The following DPP10 variants were observed in gnomAD, a reference collection of about 807,000 sequenced individuals.
DPP10 encodes the protein inactive dipeptidyl peptidase 10.
DPP10 carries 33 observed loss-of-function variants against 120.9 expected under a neutral mutation model. That is an observed-to-expected ratio of 0.27 (90% CI 0.21 to 0.37). The LOEUF is 0.37. Ranked by LOEUF, DPP10 falls within the 10% of genes least tolerant of loss-of-function variation. The pLI, the probability that DPP10 is intolerant of heterozygous loss-of-function variation, is 1.00. For missense variants in DPP10, 816 were observed against 942.8 expected (o/e 0.87, Z 1.76); for synonymous variants, 337 against 326.1 (o/e 1.03, Z -0.36).
chr2:115,485,791 A>G (rs1372248254), intron 3 of DPP10, among the ~76,000 whole-genome samples: 15 of 152,274 alleles, frequency 9.9e-5, no homozygotes, highest in Middle Eastern at 3.4e-3. Flanking sequence ...GTTGAGAACT[A>G]TAACATCTAT....
chr2:115,539,228 A>C (rs768067302), intron 5 of DPP10, among the ~76,000 whole-genome samples: 3 of 152,014 alleles, frequency 2.0e-5, no homozygotes, highest in Non-Finnish European at 2.9e-5. Flanking sequence ...GGAAAAGGAA[A>C]ACTCTGGAAA....
chr2:115,191,650 C>T lies in DPP10; in HGVS notation c.61-117589C>T, dbSNP rs569577120. Among the ~76,000 whole-genome samples, 12 of 152,252 alleles carry T rather than the reference C, an allele frequency of 7.9e-5. No homozygotes were observed. The South Asian group carries it at 1.2e-3, about 16-fold the overall frequency. ...TGGCCCATGACTTGGGAGGGGGCGG[C>T]GCTTTCTTGACTTGAGTATTATGGG... On this transcript the variant is annotated intron_variant, in intron 1 of 25. Coordinates refer to ENST00000410059, the MANE Select transcript of DPP10 (RefSeq NM_020868.6).
chr2:114,581,904 T>C (rs1201906277), intron 1 of DPP10, among the ~76,000 whole-genome samples: 1 of 152,212 alleles, frequency 6.6e-6, no homozygotes, highest in Admixed American at 6.5e-5. Flanking sequence ...GTTAACAACA[T>C]ACTGTACCAC....
At chr2:114,624,078 T>C (rs1418880379) in intron 1 of DPP10, among the ~76,000 whole-genome samples, 4 of 152,100 alleles carry the variant, frequency 2.6e-5, no homozygotes, top group African/African-American at 9.6e-5. Context: ...AGAGGGTCAT[T>C]ATTATTGCTC....
chr2:115,028,929 C>T (rs1393253326), intron 1 of DPP10, among the ~76,000 whole-genome samples: 1 of 152,006 alleles, frequency 6.6e-6, no homozygotes, highest in African/African-American at 2.4e-5. Context: ...TATCTCTTCA[C>T]TTTCAGTCTG....
intron 1 of DPP10, chr2:115,064,576 CAT>C: frequency 8.8e-7 from 1 of 1,133,234 alleles, no homozygotes; most frequent in Non-Finnish European, 1.2e-6. Context: ...CCTACACACA[CAT>C]ATTTCGGTTG....
intron 7 of DPP10, among the ~76,000 whole-genome samples, chr2:115,727,405 G>T (rs952021577): frequency 1.1e-4 from 17 of 152,196 alleles, no homozygotes; most frequent in African/African-American, 4.1e-4. Context: ...TTTTGTAAAA[G>T]TAAAGACCCC....
At chr2:114,759,277 C>T (rs1051699536) in intron 1 of DPP10, among the ~76,000 whole-genome samples, 1 of 152,150 alleles carries the variant, frequency 6.6e-6, no homozygotes, top group African/African-American at 2.4e-5. Flanking sequence ...CATTTGCAGT[C>T]TGACTAAACA....
At chr2:115,369,989 G>T (rs764730039) in intron 3 of DPP10, among the ~76,000 whole-genome samples, 1 of 152,046 alleles carries the variant, frequency 6.6e-6, no homozygotes, top group Non-Finnish European at 1.5e-5. Flanking sequence ...AAAAACTTGG[G>T]TTCTAAAGAC....
At chr2:115,149,158 G>A (rs1345435392) in intron 1 of DPP10, among the ~76,000 whole-genome samples, 3 of 152,134 alleles carry the variant, frequency 2.0e-5, no homozygotes, top group African/African-American at 7.2e-5. Flanking sequence ...CAGGAACCTT[G>A]ATCAAACTCA....
At chr2:114,812,636 A>C (rs1405378821) in intron 1 of DPP10, among the ~76,000 whole-genome samples, 2 of 148,100 alleles carry the variant, frequency 1.4e-5, no homozygotes, top group Non-Finnish European at 1.5e-5. Context: ...TTAAAAAAAA[A>C]CGAGCAGTAT....
At chr2:115,270,537 C>T (rs1206466923) in intron 1 of DPP10, among the ~76,000 whole-genome samples, 2 of 152,052 alleles carry the variant, frequency 1.3e-5, no homozygotes, top group East Asian at 1.9e-4. Context: ...CTGGTGTTGA[C>T]ATTAGGTTTT....
intron 1 of DPP10, among the ~76,000 whole-genome samples, chr2:114,747,592 G>A (rs1190842911): frequency 2.6e-5 from 4 of 152,048 alleles, no homozygotes; most frequent in Non-Finnish European, 5.9e-5. Context: ...GGCTGTAAGG[G>A]GAAAACCTGA....
intron 1 of DPP10, among the ~76,000 whole-genome samples, chr2:114,820,862 C>T (rs1223329421): frequency 6.6e-6 from 1 of 152,182 alleles, no homozygotes; most frequent in Non-Finnish European, 1.5e-5. Context: ...CTGGACCCTC[C>T]CAAATCTCAT....
chr2:114,988,117 T>C (rs369787263), intron 1 of DPP10, among the ~76,000 whole-genome samples: 1 of 151,988 alleles, frequency 6.6e-6, no homozygotes, highest in African/African-American at 2.4e-5. Context: ...GGAGACTGAG[T>C]CTTGTTCATC....
At chr2:114,600,391 C>T (rs1040128465) in intron 1 of DPP10, among the ~76,000 whole-genome samples, 2 of 151,586 alleles carry the variant, frequency 1.3e-5, no homozygotes, top group Non-Finnish European at 3.0e-5. Context: ...TTTATGGATT[C>T]CATTCATTTG....
intron 1 of DPP10, among the ~76,000 whole-genome samples, chr2:115,210,367 T>C (rs1028972816): frequency 2.0e-5 from 3 of 152,208 alleles, no homozygotes; most frequent in Non-Finnish European, 4.4e-5. Flanking sequence ...TTTTTATGGG[T>C]GCATAGTATT....
intron 1 of DPP10, among the ~76,000 whole-genome samples, chr2:114,568,754 G>A (rs1459482200): frequency 6.6e-6 from 1 of 152,098 alleles, no homozygotes; most frequent in Non-Finnish European, 1.5e-5. Context: ...AGAATGATTC[G>A]CCTTTGCTGT....
chr2:114,914,967 T>G (rs1311286746), intron 1 of DPP10, among the ~76,000 whole-genome samples: 1 of 151,916 alleles, frequency 6.6e-6, no homozygotes, highest in Non-Finnish European at 1.5e-5. Context: ...CCGTCTCTAC[T>G]AAAAATACAA....
Sources: allele counts gnomAD v4.1 joint callset (sites outside exome capture counted in the v4.1 genomes callset), GRCh38; gene constraint gnomAD v4.1.1; transcripts MANE v1.5; gene names NCBI Gene and HGNC (gene_info 2026-07-23, HGNC 2026-07-21).